Variants in SLC35F2 observed in about 807,000 individuals in gnomAD.
SLC35F2 encodes the protein queuine/queuosine transporter SLC35F2.
In SLC35F2, 25 loss-of-function variants were observed where a neutral mutation model predicts 38.1. The ratio of observed to expected loss-of-function variants is 0.66; its 90% CI spans 0.48 to 0.92. The LOEUF is 0.92. SLC35F2 is among the 40% of genes least tolerant of loss of function. SLC35F2 has a pLI of 0.00. For synonymous variants in SLC35F2, 173 were observed against 181.7 expected (o/e 0.95, Z 0.38); for missense variants, 409 against 452.9 (o/e 0.90, Z 0.88).
intron 7 of SLC35F2, among the ~76,000 whole-genome samples, chr11:107,794,326 G>A (rs1041543693): frequency 3.9e-5 from 6 of 152,034 alleles, no homozygotes; most frequent in Non-Finnish European, 8.8e-5. Context: ...TGATCCGCTC[G>A]CCTTGGCCTC....
chr11:107,807,319 G>A (rs66485626), intron 3 of SLC35F2, among the ~76,000 whole-genome samples: 21,598 of 147,816 alleles, frequency 0.15, 2,679 homozygotes, highest in East Asian at 0.42. Context: ...GTGTGGTGGT[G>A]CACTCCTGTA....
At chr11:107,841,756 G>A (rs1860015307) in intron 1 of SLC35F2, among the ~76,000 whole-genome samples, 1 of 152,038 alleles carries the variant, frequency 6.6e-6, no homozygotes, top group African/African-American at 2.4e-5. Flanking sequence ...TGGATCAGTT[G>A]AGGCCAGAAG....
chr11:107,817,267 C>T (rs778059696), intron 1 of SLC35F2, among the ~76,000 whole-genome samples: 7 of 144,624 alleles, frequency 4.8e-5, no homozygotes, highest in African/African-American at 7.8e-5. Flanking sequence ...CAGAATGAGA[C>T]GACAAAAGGA....
chr11:107,801,121 G>A (rs1199560556), intron 7 of SLC35F2, among the ~76,000 whole-genome samples: 1 of 152,020 alleles, frequency 6.6e-6, no homozygotes, highest in African/African-American at 2.4e-5. Context: ...GGCCATGGCT[G>A]GTCTCGAACC....
intron 1 of SLC35F2, among the ~76,000 whole-genome samples, chr11:107,852,299 C>G (rs1411277448): frequency 6.6e-6 from 1 of 152,180 alleles, no homozygotes; most frequent in African/African-American, 2.4e-5. Context: ...CGCCTGTAAT[C>G]CCAACACTTT....
chr11:107,826,729 A>G (rs1859759778), intron 1 of SLC35F2, among the ~76,000 whole-genome samples: 1 of 152,240 alleles, frequency 6.6e-6, no homozygotes, highest in Admixed American at 6.5e-5. Flanking sequence ...AAAATTTAAA[A>G]TAAACTTGAT....
intron 5 of SLC35F2, chr11:107,805,121 C>T: frequency 1.0e-5 from 10 of 985,388 alleles, no homozygotes; most frequent in Non-Finnish European, 1.2e-5. Flanking sequence ...ACATGGTAAT[C>T]AGGAATCCTA....
At chr11:107,826,560 A>C (rs775083076) in intron 1 of SLC35F2, among the ~76,000 whole-genome samples, 21 of 152,164 alleles carry the variant, frequency 1.4e-4, no homozygotes, top group Non-Finnish European at 2.8e-4. Context: ...AAACTTTTTA[A>C]AAGTTGTGTA....
chr11:107,811,287 T>G, intron 3 of SLC35F2: 3 of 980,528 alleles, frequency 3.1e-6, no homozygotes, highest in Non-Finnish European at 3.6e-6. Context: ...TTCTTTGTCA[T>G]GAATATCTAC....
chr11:107,805,769 C>A (rs568108835), intron 4 of SLC35F2: 2 of 570,718 alleles, frequency 3.5e-6, no homozygotes, highest in South Asian at 7.7e-5. Context: ...CCTACACCTC[C>A]GGGTTCAAGT....
chr11:107,837,549 C>T (rs1350667453), intron 1 of SLC35F2, among the ~76,000 whole-genome samples: 5 of 116,714 alleles, frequency 4.3e-5, no homozygotes, highest in Admixed American at 8.2e-5. Context: ...AAAAAATTAG[C>T]TGGGCATGGT....
At chr11:107,833,844 A>G (rs982259730) in intron 1 of SLC35F2, among the ~76,000 whole-genome samples, 2 of 152,240 alleles carry the variant, frequency 1.3e-5, no homozygotes, top group African/African-American at 4.8e-5. Flanking sequence ...AGTTAAATGC[A>G]ATAATTCTAC....
intron 1 of SLC35F2, among the ~76,000 whole-genome samples, chr11:107,851,864 A>G (rs1860192875): frequency 6.6e-6 from 1 of 152,234 alleles, no homozygotes. Flanking sequence ...AAGCCACAAA[A>G]GATCCCTAAC....
chr11:107,812,098 G>T (rs1424801425), intron 2 of SLC35F2, among the ~76,000 whole-genome samples: 1 of 151,960 alleles, frequency 6.6e-6, no homozygotes, highest in Non-Finnish European at 1.5e-5. Flanking sequence ...AGAGATGGGG[G>T]TCTCACCATG....
intron 3 of SLC35F2, among the ~76,000 whole-genome samples, chr11:107,807,940 C>T (rs1424394648): frequency 6.6e-6 from 1 of 152,140 alleles, no homozygotes; most frequent in Non-Finnish European, 1.5e-5. Flanking sequence ...ACTCAGTCAA[C>T]AAATATTTGT....
chr11:107,817,068 G>T (rs1245866853), intron 1 of SLC35F2, among the ~76,000 whole-genome samples: 3 of 152,138 alleles, frequency 2.0e-5, no homozygotes, highest in Non-Finnish European at 4.4e-5. Flanking sequence ...ACTTGAGGTT[G>T]AGTTCGAGAC....
At chr11:107,793,479 T>TACCAA (rs1455478362) in intron 7 of SLC35F2, among the ~76,000 whole-genome samples, 3 of 152,114 alleles carry the variant, frequency 2.0e-5, no homozygotes, top group African/African-American at 7.2e-5. Flanking sequence ...TAGACACTGC[T>TACCAA]TACAATATTG....
At chr11:107,814,008 A>G (rs764453156) in intron 2 of SLC35F2, among the ~76,000 whole-genome samples, 12 of 152,114 alleles carry the variant, frequency 7.9e-5, no homozygotes, top group Non-Finnish European at 1.2e-4. Context: ...GCATGGGATG[A>G]AATAAATTAC....
intron 5 of SLC35F2, 116 bp from the exon 6 acceptor site, chr11:107,804,886 G>T (rs1238165867): frequency 8.6e-7 from 1 of 1,159,524 alleles, no homozygotes. Flanking sequence ...ATTTGAATTT[G>T]TCTTAGAATA....
Sources: allele counts gnomAD v4.1 joint callset (sites outside exome capture counted in the v4.1 genomes callset), GRCh38; gene constraint gnomAD v4.1.1; transcripts MANE v1.5; gene names NCBI Gene and HGNC (gene_info 2026-07-23, HGNC 2026-07-21).